Variants in EPB41 observed in about 807,000 individuals in gnomAD.
EPB41 encodes protein 4.1.
EPB41 carries 65 observed loss-of-function variants against 108.0 expected under a neutral mutation model. The ratio of observed to expected loss-of-function variants is 0.60; its 90% CI spans 0.49 to 0.74. EPB41 has a LOEUF of 0.74. Ranked by LOEUF, EPB41 falls within the 30% of genes least tolerant of loss-of-function variation. The pLI is 0.00. For missense variants in EPB41, 875 were observed against 1,037.0 expected, an observed-to-expected ratio of 0.84 and a Z score of 2.15; for synonymous variants, 336 against 358.9, an observed-to-expected ratio of 0.94 and a Z score of 0.72.
At chr1:29,029,006 C>A (rs1459026468) in intron 7 of EPB41, among the ~76,000 whole-genome samples, 2 of 150,044 alleles carry the variant, frequency 1.3e-5, no homozygotes. Flanking sequence ...TGCACCATTG[C>A]ACTGCACCCT....
At chr1:29,103,262 T>C (rs951804818) in intron 17 of EPB41, among the ~76,000 whole-genome samples, 2 of 152,204 alleles carry the variant, frequency 1.3e-5, no homozygotes, top group African/African-American at 4.8e-5. Flanking sequence ...AGAGCCACAC[T>C]GACCACAGAA....
intron 1 of EPB41, among the ~76,000 whole-genome samples, chr1:28,960,994 A>G (rs1478116401): frequency 6.7e-6 from 1 of 149,960 alleles, no homozygotes; most frequent in Non-Finnish European, 1.5e-5. Flanking sequence ...AGATAGTGCC[A>G]CTGCACTCCA....
In EPB41 at chr1:29,116,939, T is replaced by G. The variant is rs946148372; in HGVS notation, c.*127T>G. On this transcript the variant is annotated 3_prime_UTR_variant, in exon 21 of 21. Coordinates refer to ENST00000343067, the MANE Select transcript of EPB41 (RefSeq NM_001376013.1). ...AAGATTATTCTAAATCACCAGAAAA[T>G]TAATTTCAGTTTCTATTGGGAGTTT... 3.3e-5 allele frequency: 5 copies of G among 152,208 alleles called. No individual in the cohort carries two copies. Among genetic ancestry groups the G allele is most frequent in the Non-Finnish European group, 5.9e-5 (4 of 68,042 alleles). The allele number at this position is 152,208 out of a possible 1,614,324, so 9.4% of individuals were successfully genotyped here.
At chr1:28,928,015 G>A (rs1020641951) in intron 1 of EPB41, among the ~76,000 whole-genome samples, 1 of 152,032 alleles carries the variant, frequency 6.6e-6, no homozygotes, top group Non-Finnish European at 1.5e-5. Flanking sequence ...CCCCAGAGGA[G>A]AGTCTTCTCT....
rs1650888387 is a variant in EPB41 at position 29,070,628 on chromosome 1, G to T, written c.2184+5470G>T. 2.4e-6 allele frequency: 3 copies of T among 1,231,962 alleles called. No individual in the cohort carries two copies. In the Admixed American group the frequency reaches 1.3e-4, roughly 52 times the overall value. 76.3% of individuals were successfully genotyped at this position (1,231,962 alleles called of 1,614,324 possible). A position where few individuals can be genotyped will look rare whatever the true frequency, so the allele number is the denominator to read the frequency against. Reference sequence around the variant, plus strand: ...GGTCTTTCTGTGATCAGAAAACAGGGTGCTCATCTGAAATGTCAAGACCAT... The same window carrying T: ...GGTCTTTCTGTGATCAGAAAACAGGTTGCTCATCTGAAATGTCAAGACCAT... On this transcript the variant is annotated intron_variant, in intron 16 of 20. Transcript: ENST00000343067.
intron 1 of EPB41, among the ~76,000 whole-genome samples, chr1:28,945,721 T>G (rs899538075): frequency 1.3e-5 from 2 of 152,250 alleles, no homozygotes; most frequent in African/African-American, 4.8e-5. Flanking sequence ...TACTGTATAT[T>G]AGCCACTGAA....
At chr1:29,081,297 C>G (rs1049157493) in intron 16 of EPB41, among the ~76,000 whole-genome samples, 5 of 152,064 alleles carry the variant, frequency 3.3e-5, no homozygotes, top group Non-Finnish European at 7.4e-5. Context: ...ATGAATTTGT[C>G]TTTTATGGGC....
chr1:29,059,970 G>C (rs1287982847), intron 14 of EPB41, among the ~76,000 whole-genome samples: 1 of 151,950 alleles, frequency 6.6e-6, no homozygotes, highest in Admixed American at 6.5e-5. Flanking sequence ...TCTTTTATTA[G>C]ATTTTATAAT....
chr1:28,959,241 G>T (rs186957336), intron 1 of EPB41, among the ~76,000 whole-genome samples: 2 of 129,312 alleles, frequency 1.5e-5, no homozygotes, highest in Non-Finnish European at 3.1e-5. Context: ...TTTTTGAGAC[G>T]GAGTCTCGCT....
chr1:28,926,522 A>G (rs1489824435), intron 1 of EPB41, among the ~76,000 whole-genome samples: 1 of 152,240 alleles, frequency 6.6e-6, no homozygotes, highest in African/African-American at 2.4e-5. Flanking sequence ...ACTTATGTCC[A>G]TGAGTGGGTG....
intron 3 of EPB41, among the ~76,000 whole-genome samples, chr1:28,993,838 A>G (rs2096088489): frequency 6.6e-6 from 1 of 151,630 alleles, no homozygotes; most frequent in Non-Finnish European, 1.5e-5. Flanking sequence ...TTGTATTTTT[A>G]GTAGAGACAG....
intron 1 of EPB41, among the ~76,000 whole-genome samples, chr1:28,957,784 T>A (rs1397330675): frequency 6.6e-6 from 1 of 152,250 alleles, no homozygotes. Flanking sequence ...GGGGAAAAAA[T>A]CAATTTCAGT....
chr1:29,033,856 CTTCTT>C (rs1638376488), intron 9 of EPB41, among the ~76,000 whole-genome samples: 1 of 152,166 alleles, frequency 6.6e-6, no homozygotes, highest in African/African-American at 2.4e-5. Context: ...AAAGTTCTGA[CTTCTT>C]TTCTGCCACA....
chr1:29,063,943 A>G (rs895113588), intron 15 of EPB41, among the ~76,000 whole-genome samples: 106 of 152,150 alleles, frequency 7.0e-4, no homozygotes, highest in African/African-American at 2.5e-3. Flanking sequence ...AAACCTGAAT[A>G]TTATTTCTAA....
chr1:29,037,217 G>C (rs1406489434), intron 10 of EPB41, among the ~76,000 whole-genome samples: 2 of 152,078 alleles, frequency 1.3e-5, no homozygotes, highest in African/African-American at 4.8e-5. Flanking sequence ...AAGTAGCTGG[G>C]ATTACAGATG....
chr1:28,970,589 T>C (rs1365483738), intron 1 of EPB41, among the ~76,000 whole-genome samples: 1 of 152,206 alleles, frequency 6.6e-6, no homozygotes, highest in African/African-American at 2.4e-5. Context: ...TCCATTGTTT[T>C]ATGTTTTCCG....
At chr1:28,957,785 C>T (rs1456056545) in intron 1 of EPB41, among the ~76,000 whole-genome samples, 4 of 152,102 alleles carry the variant, frequency 2.6e-5, no homozygotes, top group Admixed American at 1.3e-4. Context: ...GGGAAAAAAT[C>T]AATTTCAGTG....
intron 6 of EPB41, among the ~76,000 whole-genome samples, chr1:29,016,199 G>T (rs1420151547): frequency 6.6e-6 from 1 of 152,100 alleles, no homozygotes; most frequent in African/African-American, 2.4e-5. Context: ...TTTTGAGACG[G>T]AGTCTCGCTC....
intron 17 of EPB41, among the ~76,000 whole-genome samples, chr1:29,108,912 AC>A (rs1668200774): frequency 6.8e-6 from 1 of 148,060 alleles, no homozygotes; most frequent in Non-Finnish European, 1.5e-5. Flanking sequence ...AAAAGAGGTT[AC>A]CCTGGCCGGG....
Sources: allele counts gnomAD v4.1 joint callset (sites outside exome capture counted in the v4.1 genomes callset), GRCh38; gene constraint gnomAD v4.1.1; transcripts MANE v1.5; gene names NCBI Gene and HGNC (gene_info 2026-07-23, HGNC 2026-07-21).